Variants in SLC35F3 observed in about 807,000 individuals in gnomAD.
SLC35F3 encodes the protein solute carrier family 35 member F3, also known as putative thiamine transporter SLC35F3.
In SLC35F3, 25 loss-of-function variants were observed where a neutral mutation model predicts 49.9. That is an observed-to-expected ratio of 0.50 (90% CI 0.37 to 0.70). The LOEUF (loss-of-function observed/expected upper bound fraction) is 0.70, where lower values mean the gene tolerates loss of function less well. Ranked by LOEUF, SLC35F3 falls within the 30% of genes least tolerant of loss-of-function variation. The pLI, the probability that SLC35F3 is intolerant of heterozygous loss-of-function variation, is 0.00. For synonymous variants in SLC35F3, 275 were observed against 265.4 expected (o/e 1.04, Z -0.35); for missense variants, 525 against 639.8 (o/e 0.82, Z 1.94).
At chr1:234,066,490 T>C (rs986197038) in intron 2 of SLC35F3, among the ~76,000 whole-genome samples, 3 of 152,214 alleles carry the variant, frequency 2.0e-5, no homozygotes, top group South Asian at 4.2e-4. Context: ...GGTTTCCTCA[T>C]GGTTTTTAAG....
At chr1:233,989,167 G>A (rs1380424631) in intron 2 of SLC35F3, among the ~76,000 whole-genome samples, 1 of 152,216 alleles carries the variant, frequency 6.6e-6, no homozygotes, top group South Asian at 2.1e-4. Context: ...AAGCTGGACA[G>A]TGGGGCTGCA....
intron 2 of SLC35F3, among the ~76,000 whole-genome samples, chr1:233,964,177 T>C (rs184166099): frequency 6.6e-6 from 1 of 152,308 alleles, no homozygotes; most frequent in African/African-American, 2.4e-5. Flanking sequence ...GGGTCCACAC[T>C]TGCACCACTC....
chr1:234,302,464 G>A lies in SLC35F3; in HGVS notation c.609-6637G>A, dbSNP rs115759772. On this transcript the variant is annotated intron_variant, in intron 3 of 7. Transcript: ENST00000366618. ...AGTAGCTGGACAGTGAGGAAGGCAA[G>A]GTCATGGAGAACTTGAGCGTAGATG... 4.9e-4 allele frequency among the ~76,000 whole-genome samples: 75 copies of A among 152,314 alleles called. 1 individual carries two copies. Among genetic ancestry groups the A allele is most frequent in the African/African-American group, 1.7e-3 (72 of 41,566 alleles).
At chr1:234,206,855 G>T (rs917518099) in intron 2 of SLC35F3, among the ~76,000 whole-genome samples, 4 of 152,114 alleles carry the variant, frequency 2.6e-5, no homozygotes, top group African/African-American at 9.7e-5. Context: ...ACAAGACCTT[G>T]CCTGCAGGTC....
chr1:233,933,556 G>A (rs930931927), intron 2 of SLC35F3, among the ~76,000 whole-genome samples: 1 of 152,078 alleles, frequency 6.6e-6, no homozygotes, highest in Non-Finnish European at 1.5e-5. Context: ...AGCATTTCAG[G>A]GGTTGGGAAG....
intron 2 of SLC35F3, among the ~76,000 whole-genome samples, chr1:234,000,807 G>T (rs1311361344): frequency 6.6e-6 from 1 of 152,186 alleles, no homozygotes; most frequent in Non-Finnish European, 1.5e-5. Context: ...GGCCAGAGCG[G>T]GTGTGGAGCT....
chr1:234,201,912 CAAA>C (rs11361148), intron 2 of SLC35F3, among the ~76,000 whole-genome samples: 7 of 111,914 alleles, frequency 6.3e-5, no homozygotes, highest in Admixed American at 9.0e-5. Flanking sequence ...GACTTCTTCT[CAAA>C]AAAAAAAAAA....
chr1:234,194,901 A>G lies in SLC35F3; in HGVS notation c.284-36516A>G, dbSNP rs184033368. Among the ~76,000 whole-genome samples, 3 of 152,290 alleles carry G rather than the reference A, an allele frequency of 2.0e-5. No homozygotes were observed. In the East Asian group the frequency reaches 5.8e-4, roughly 29 times the overall value. The stretch of plus-strand genomic sequence containing the variant: ...CTGCACCCAGTTATGCTGAGGAGCA[A>G]TTAGGGCGACAGACAGATGACGGGT... On this transcript the variant is annotated intron_variant, in intron 2 of 7. Coordinates refer to ENST00000366618, the MANE Select transcript of SLC35F3 (RefSeq NM_173508.4).
At chr1:234,142,923 A>G (rs1665939470) in intron 2 of SLC35F3, among the ~76,000 whole-genome samples, 1 of 152,164 alleles carries the variant, frequency 6.6e-6, no homozygotes, top group South Asian at 2.1e-4. Context: ...TTTATTTATC[A>G]TTTTTAATTA....
chr1:234,235,308 A>G (rs192405529), intron 3 of SLC35F3, among the ~76,000 whole-genome samples: 111 of 152,332 alleles, frequency 7.3e-4, no homozygotes, highest in Middle Eastern at 3.4e-3. Flanking sequence ...GGTGGCCACA[A>G]GGATGTTCTG....
At chr1:233,960,067 G>A (rs4920264) in intron 2 of SLC35F3, among the ~76,000 whole-genome samples, 72,830 of 152,094 alleles carry the variant, frequency 0.48, 17,977 homozygotes, top group Non-Finnish European at 0.54. Flanking sequence ...TCTGAAGCTA[G>A]GAACTGAGCA....
At chr1:233,981,307 G>T (rs368283902) in intron 2 of SLC35F3, among the ~76,000 whole-genome samples, 1 of 152,106 alleles carries the variant, frequency 6.6e-6, no homozygotes, top group Non-Finnish European at 1.5e-5. Context: ...TCACAGTCAC[G>T]CTTACTCCTT....
At chr1:234,200,883 A>G (rs1666891813) in intron 2 of SLC35F3, among the ~76,000 whole-genome samples, 2 of 152,146 alleles carry the variant, frequency 1.3e-5, no homozygotes, top group South Asian at 4.1e-4. Context: ...GGTTGCTTCT[A>G]TTTAGTGTTC....
At chr1:234,146,962 A>G (rs1666007130) in intron 2 of SLC35F3, among the ~76,000 whole-genome samples, 1 of 152,246 alleles carries the variant, frequency 6.6e-6, no homozygotes, top group African/African-American at 2.4e-5. Context: ...ATGACAGTTT[A>G]GCTGAGTATA....
chr1:234,018,726 C>A (rs1257984094), intron 2 of SLC35F3, among the ~76,000 whole-genome samples: 6 of 152,206 alleles, frequency 3.9e-5, no homozygotes, highest in Non-Finnish European at 5.9e-5. Flanking sequence ...ATAACAAACA[C>A]TGATTCAAGC....
chr1:234,132,973 T>C (rs751092457), intron 2 of SLC35F3, among the ~76,000 whole-genome samples: 3 of 152,216 alleles, frequency 2.0e-5, no homozygotes, highest in Non-Finnish European at 4.4e-5. Context: ...AATACCTTGA[T>C]GAGGTAAGCA....
intron 2 of SLC35F3, among the ~76,000 whole-genome samples, chr1:234,146,741 C>T (rs900349146): frequency 6.6e-6 from 1 of 151,996 alleles, no homozygotes; most frequent in Non-Finnish European, 1.5e-5. Context: ...CTCCAGCTCC[C>T]GACTTCAGGT....
At chr1:233,945,883 T>A (rs1456004066) in intron 2 of SLC35F3, among the ~76,000 whole-genome samples, 4 of 152,212 alleles carry the variant, frequency 2.6e-5, no homozygotes, top group African/African-American at 9.7e-5. Flanking sequence ...CAATCTCAGG[T>A]ATGTCTTTAT....
chr1:233,914,141 G>A (rs945000081), intron 2 of SLC35F3, among the ~76,000 whole-genome samples: 7 of 152,070 alleles, frequency 4.6e-5, no homozygotes, highest in South Asian at 2.1e-4. Context: ...CTCCTGGGCC[G>A]TGTAGATTAG....
Sources: gnomAD v4.1 joint callset for allele counts (sites outside exome capture counted in the v4.1 genomes callset) on GRCh38, gnomAD v4.1.1 for gene constraint, MANE v1.5 for transcripts, NCBI Gene and HGNC (gene_info 2026-07-23, HGNC 2026-07-21) for gene names.